Variants in DDC observed in about 807,000 individuals in gnomAD.
The protein encoded by DDC is dopa decarboxylase.
A neutral mutation model predicts 60.0 loss-of-function variants in DDC; 43 were observed. The ratio of observed to expected loss-of-function variants is 0.72; its 90% CI spans 0.56 to 0.92. The LOEUF (loss-of-function observed/expected upper bound fraction) is 0.92, where lower values mean the gene tolerates loss of function less well. DDC is among the 40% of genes least tolerant of loss of function. The pLI, the probability that DDC is intolerant of heterozygous loss-of-function variation, is 0.00. For synonymous variants in DDC, 232 were observed against 234.6 expected, an observed-to-expected ratio of 0.99 and a Z score of 0.10; for missense variants, 573 against 620.2, an observed-to-expected ratio of 0.92 and a Z score of 0.81.
intron 1 of DDC, among the ~76,000 whole-genome samples, chr7:50,562,172 G>A (rs906259785): frequency 1.3e-5 from 2 of 152,208 alleles, no homozygotes; most frequent in African/African-American, 4.8e-5. Flanking sequence ...AGAGGCAGCG[G>A]CCTTCCAGGC....
chr7:50,541,788 T>C (rs957974647), intron 2 of DDC, among the ~76,000 whole-genome samples: 2 of 152,252 alleles, frequency 1.3e-5, no homozygotes, highest in Non-Finnish European at 2.9e-5. Flanking sequence ...TGAGAAGAGA[T>C]GCAAACATTT....
chr7:50,536,718 A>G (rs1167851478), intron 4 of DDC, among the ~76,000 whole-genome samples: 2 of 152,374 alleles, frequency 1.3e-5, no homozygotes, highest in African/African-American at 2.4e-5. Context: ...ATCAATAGAA[A>G]CAAATACATA....
chr7:50,517,470 T>C (rs868232645), intron 6 of DDC, among the ~76,000 whole-genome samples: 39 of 152,144 alleles, frequency 2.6e-4, no homozygotes, highest in African/African-American at 9.4e-4. Context: ...GCCAACATAA[T>C]ACTGAATGGG....
intron 5 of DDC, 84 bp from the exon 6 acceptor site, chr7:50,528,364 A>T: frequency 6.4e-7 from 1 of 1,554,312 alleles, no homozygotes; most frequent in East Asian, 2.2e-5. Flanking sequence ...AGAGCAGCCA[A>T]CATTGCAAAC....
chr7:50,543,752 G>T, intron 2 of DDC, 133 bp downstream of exon 2: 1 of 913,346 alleles, frequency 1.1e-6, no homozygotes, highest in Non-Finnish European at 1.8e-6. Flanking sequence ...TTGTAAAATA[G>T]AAATGACAAA....
intron 11 of DDC, among the ~76,000 whole-genome samples, chr7:50,471,466 C>T (rs1211313641): frequency 1.3e-5 from 2 of 152,196 alleles, no homozygotes; most frequent in Non-Finnish European, 2.9e-5. Context: ...CTCAAGGGCC[C>T]AGAGCCATGG....
At chr7:50,551,996 A>G (rs1373194817) in intron 1 of DDC, among the ~76,000 whole-genome samples, 6 of 152,196 alleles carry the variant, frequency 3.9e-5, no homozygotes, top group Admixed American at 3.9e-4. Flanking sequence ...GCTTTAAGTC[A>G]CAGCACCAGG....
At chr7:50,464,309 G>GA (rs2042347871) in intron 13 of DDC, among the ~76,000 whole-genome samples, 1 of 152,026 alleles carries the variant, frequency 6.6e-6, no homozygotes, top group African/African-American at 2.4e-5. Flanking sequence ...GCACCTGCTG[G>GA]ATGTTGGCAC....
chr7:50,520,716 C>T (rs755558533), intron 6 of DDC, among the ~76,000 whole-genome samples: 1 of 152,106 alleles, frequency 6.6e-6, no homozygotes, highest in Non-Finnish European at 1.5e-5. Flanking sequence ...GAGTTCAAGG[C>T]CAGCCTGACC....
chr7:50,471,155 G>T (rs2042521673), intron 11 of DDC, among the ~76,000 whole-genome samples: 2 of 152,184 alleles, frequency 1.3e-5, no homozygotes, highest in Admixed American at 6.5e-5. Flanking sequence ...ACTTTGGGAG[G>T]CCAAGGCAGG....
At position 50,543,967 on chromosome 7, in the gene DDC, G is replaced by A. The variant is rs778431076; in HGVS notation, c.119C>T (p.Pro40Leu). The change falls in exon 2 of 15, where the codon CCG (proline) becomes CTG (leucine). Residue 40 changes from proline to leucine, a missense_variant. Transcript: ENST00000444124. ...CTGAGGGGCAGCGGCAGGGATCAGC[G>A]GCCGCAGGTACCCGGGCTCCACGTC... ...YPDVEPGYLRPLIPAAAPQEP... is the reference protein window; with the variant it reads ...YPDVEPGYLRLLIPAAAPQEP... 2.3e-5 allele frequency: 37 copies of A among 1,614,140 alleles called. 1 individual carries two copies. The Middle Eastern group carries it at 6.6e-4, about 29-fold the overall frequency.
At chr7:50,525,749 G>A (rs1260381964) in intron 6 of DDC, among the ~76,000 whole-genome samples, 3 of 151,176 alleles carry the variant, frequency 2.0e-5, no homozygotes, top group Admixed American at 6.6e-5. Context: ...GGGTGATAGA[G>A]TGAGACTCTG....
chr7:50,543,877 A>C lies in DDC; in HGVS notation c.201+8T>G, dbSNP rs757343696. The C allele has an allele frequency of 4.3e-6, 7 of 1,613,720 alleles. No individual in the cohort carries two copies. The East Asian group carries it at 1.3e-4, about 31-fold the overall frequency. On this transcript the variant is annotated splice_region_variant and intron_variant, in intron 2 of 14. Coordinates refer to ENST00000444124, the MANE Select transcript of DDC (RefSeq NM_001082971.2). ...CCTCCTGTTTTCTGACCTTGGATACACACTTACCCCAGGCATGATTATCTT... is the reference window on the plus strand; with the variant it reads ...CCTCCTGTTTTCTGACCTTGGATACCCACTTACCCCAGGCATGATTATCTT...
chr7:50,506,135 A>G (rs2043388937), intron 6 of DDC, among the ~76,000 whole-genome samples: 1 of 152,052 alleles, frequency 6.6e-6, no homozygotes, highest in Non-Finnish European at 1.5e-5. Flanking sequence ...CTGGGGTCGC[A>G]TTTGGTCTGC....
At chr7:50,561,133 A>G (rs555817413) in intron 1 of DDC, 2 of 152,284 alleles carry the variant, frequency 1.3e-5, no homozygotes, top group African/African-American at 4.8e-5. Context: ...CCCGAAGCCA[A>G]TCAGAGCTGC....
At chr7:50,537,348 A>T (rs546209013) in intron 4 of DDC, among the ~76,000 whole-genome samples, 3 of 152,260 alleles carry the variant, frequency 2.0e-5, no homozygotes, top group Non-Finnish European at 4.4e-5. Context: ...TCTGAGCCAC[A>T]CAGAGTCTGT....
At chr7:50,545,725 G>A (rs1450082474) in intron 1 of DDC, among the ~76,000 whole-genome samples, 7 of 152,198 alleles carry the variant, frequency 4.6e-5, no homozygotes, top group South Asian at 2.1e-4. Context: ...CACCAGCCTC[G>A]GCCTCTCAAA....
At position 50,514,832 on chromosome 7, in the gene DDC, G is replaced by C. The variant is rs866542612; in HGVS notation, c.715-10773C>G. 7.2e-5 allele frequency among the ~76,000 whole-genome samples: 11 copies of C among 152,106 alleles called. No individual in the cohort carries two copies. In the East Asian group the frequency reaches 1.9e-3, roughly 27 times the overall value. On this transcript the variant is annotated intron_variant, in intron 6 of 14. Transcript: ENST00000444124. ...AGTAGAAGAAAGAAATTCAGAGCTCGAAGACAAGGTCTTTGAATTAACGCA... is the reference window on the plus strand; with the variant it reads ...AGTAGAAGAAAGAAATTCAGAGCTCCAAGACAAGGTCTTTGAATTAACGCA...
intron 1 of DDC, among the ~76,000 whole-genome samples, chr7:50,545,202 C>A (rs187909491): frequency 1.3e-5 from 2 of 152,216 alleles, no homozygotes; most frequent in Admixed American, 6.5e-5. Context: ...TGGGAACATA[C>A]GCATCGGACA....
Sources: allele counts gnomAD v4.1 joint callset (sites outside exome capture counted in the v4.1 genomes callset), GRCh38; gene constraint gnomAD v4.1.1; transcripts MANE v1.5; gene names NCBI Gene and HGNC (gene_info 2026-07-23, HGNC 2026-07-21).